Variants in UBE2E2 observed in about 807,000 individuals in gnomAD.
UBE2E2 encodes the protein ubiquitin conjugating enzyme E2 E2.
Under a neutral mutation model 24.7 loss-of-function variants are expected in UBE2E2, and 6 were observed. The observed-to-expected ratio is 0.24, with a 90% confidence interval of 0.13 to 0.48. The LOEUF is 0.48. UBE2E2 is among the 20% of genes least tolerant of loss of function. The pLI is 0.99. For synonymous variants in UBE2E2, 104 were observed against 83.6 expected, an observed-to-expected ratio of 1.24 and a Z score of -1.33; for missense variants, 169 against 245.0, an observed-to-expected ratio of 0.69 and a Z score of 2.07.
intron 3 of UBE2E2, among the ~76,000 whole-genome samples, chr3:23,363,227 A>C (rs1048819872): frequency 9.2e-5 from 14 of 152,212 alleles, no homozygotes; most frequent in African/African-American, 3.1e-4. Context: ...TAATGCTATA[A>C]AGCAGCAACA....
At chr3:23,348,590 G>A (rs956448738) in intron 3 of UBE2E2, among the ~76,000 whole-genome samples, 1 of 152,172 alleles carries the variant, frequency 6.6e-6, no homozygotes, top group Admixed American at 6.5e-5. Context: ...AGTAAGAAGA[G>A]TAATTCTAGA....
At chr3:23,257,374 T>C (rs1234942027) in intron 3 of UBE2E2, among the ~76,000 whole-genome samples, 3 of 152,126 alleles carry the variant, frequency 2.0e-5, no homozygotes, top group Non-Finnish European at 4.4e-5. Flanking sequence ...TTCCTTCTTA[T>C]ATTTCTGCTT....
chr3:23,305,340 G>A (rs1166962332), intron 3 of UBE2E2, among the ~76,000 whole-genome samples: 1 of 152,192 alleles, frequency 6.6e-6, no homozygotes, highest in Non-Finnish European at 1.5e-5. Flanking sequence ...CAGTAGAAAT[G>A]CTTTATGCAT....
At chr3:23,293,004 T>G (rs6773311) in intron 3 of UBE2E2, among the ~76,000 whole-genome samples, 51,397 of 151,916 alleles carry the variant, frequency 0.34, 8,893 homozygotes, top group South Asian at 0.37. Flanking sequence ...ACCTGGGAGG[T>G]GGAGATTGCA....
chr3:23,470,815 T>A (rs939098315), intron 3 of UBE2E2, among the ~76,000 whole-genome samples: 5 of 141,930 alleles, frequency 3.5e-5, no homozygotes, highest in South Asian at 4.4e-4. Context: ...TTTATAAAAA[T>A]ATATATATTT....
At chr3:23,565,559 A>G (rs1396095588) in intron 5 of UBE2E2, among the ~76,000 whole-genome samples, 1 of 146,452 alleles carries the variant, frequency 6.8e-6, no homozygotes, top group Non-Finnish European at 1.5e-5. Flanking sequence ...GGCTTGTTAG[A>G]CGTAATCAAA....
intron 3 of UBE2E2, among the ~76,000 whole-genome samples, chr3:23,237,366 T>C (rs1195351008): frequency 6.6e-6 from 1 of 152,216 alleles, no homozygotes; most frequent in Non-Finnish European, 1.5e-5. Flanking sequence ...GCAGATAACT[T>C]CTGCATGTCT....
intron 3 of UBE2E2, among the ~76,000 whole-genome samples, chr3:23,478,894 A>T (rs202039015): frequency 0.031 from 881 of 28,776 alleles, 8 homozygotes; most frequent in African/African-American, 0.047. Flanking sequence ...ATATATATAT[A>T]TATTTTTTTT....
At chr3:23,343,943 A>C (rs1239922813) in intron 3 of UBE2E2, among the ~76,000 whole-genome samples, 1 of 152,146 alleles carries the variant, frequency 6.6e-6, no homozygotes, top group Non-Finnish European at 1.5e-5. Flanking sequence ...AATTCATTCT[A>C]TGTTTATGGG....
At chr3:23,298,326 T>C (rs1056971450) in intron 3 of UBE2E2, among the ~76,000 whole-genome samples, 17 of 151,744 alleles carry the variant, frequency 1.1e-4, no homozygotes, top group Non-Finnish European at 2.5e-4. Context: ...AACACTATGT[T>C]GAATAGGAGT....
At chr3:23,501,756 G>A (rs1699724905) in intron 4 of UBE2E2, among the ~76,000 whole-genome samples, 1 of 152,014 alleles carries the variant, frequency 6.6e-6, no homozygotes, top group Non-Finnish European at 1.5e-5. Context: ...ACCCACAGTG[G>A]GACAGTCAAC....
chr3:23,402,524 G>A (rs902872954), intron 3 of UBE2E2, among the ~76,000 whole-genome samples: 2 of 152,176 alleles, frequency 1.3e-5, no homozygotes, highest in Admixed American at 1.3e-4. Flanking sequence ...CTTTAATTCA[G>A]CTGATATTTA....
intron 3 of UBE2E2, among the ~76,000 whole-genome samples, chr3:23,480,630 GAAAA>G (rs34377610): frequency 3.6e-5 from 4 of 109,764 alleles, no homozygotes; most frequent in African/African-American, 1.3e-4. Context: ...CTTGTCTCAG[GAAAA>G]AAAAAAAAAA....
chr3:23,540,673 G>C (rs1269148123), intron 5 of UBE2E2, among the ~76,000 whole-genome samples: 1 of 152,076 alleles, frequency 6.6e-6, no homozygotes, highest in South Asian at 2.1e-4. Flanking sequence ...GAAGTGCTAG[G>C]ATTACAGGCA....
intron 3 of UBE2E2, among the ~76,000 whole-genome samples, chr3:23,441,926 A>T (rs942924479): frequency 1.9e-4 from 29 of 152,252 alleles, no homozygotes; most frequent in Middle Eastern, 3.4e-3. Flanking sequence ...TTTCATATTT[A>T]TTTAAGTACT....
intron 5 of UBE2E2, among the ~76,000 whole-genome samples, chr3:23,566,533 C>G (rs1696077636): frequency 6.6e-6 from 1 of 152,266 alleles, no homozygotes; most frequent in Non-Finnish European, 1.5e-5. Flanking sequence ...GCTCACAGTT[C>G]TGCAGGGTGT....
chr3:23,235,201 T>C (rs1231205746), intron 3 of UBE2E2, among the ~76,000 whole-genome samples: 1 of 152,136 alleles, frequency 6.6e-6, no homozygotes, highest in Non-Finnish European at 1.5e-5. Flanking sequence ...GCTGGGGAAG[T>C]AAACAGACAT....
intron 3 of UBE2E2, among the ~76,000 whole-genome samples, chr3:23,238,224 C>T (rs1697169743): frequency 6.6e-6 from 1 of 152,048 alleles, no homozygotes; most frequent in African/African-American, 2.4e-5. Flanking sequence ...TAGTCTTGTT[C>T]ATTTATTCAC....
At chr3:23,441,259 G>A (rs530610365) in intron 3 of UBE2E2, among the ~76,000 whole-genome samples, 53 of 151,118 alleles carry the variant, frequency 3.5e-4, no homozygotes, top group African/African-American at 1.2e-3. Flanking sequence ...AGTGGCTCAC[G>A]CCTGTAATCC....
Sources: gnomAD v4.1 joint callset for allele counts (sites outside exome capture counted in the v4.1 genomes callset) on GRCh38, gnomAD v4.1.1 for gene constraint, MANE v1.5 for transcripts, NCBI Gene and HGNC (gene_info 2026-07-23, HGNC 2026-07-21) for gene names.